Variants in LPAR1 observed in about 807,000 individuals in gnomAD.
LPAR1 encodes lysophosphatidic acid receptor 1, also known as LPA receptor 1.
A neutral mutation model predicts 23.8 loss-of-function variants in LPAR1; 5 were observed. The ratio of observed to expected loss-of-function variants is 0.21; its 90% CI spans 0.11 to 0.44. The LOEUF (loss-of-function observed/expected upper bound fraction) is 0.44, where lower values mean the gene tolerates loss of function less well. Among genes scored for constraint, LPAR1 ranks in the 20% least tolerant of loss-of-function variants. LPAR1 has a pLI of 0.99. For synonymous variants in LPAR1, 160 were observed against 164.7 expected, an observed-to-expected ratio of 0.97 and a Z score of 0.22; for missense variants, 311 against 482.8, an observed-to-expected ratio of 0.64 and a Z score of 3.33.
At chr9:110,928,998 A>C (rs1360687156) in intron 5 of LPAR1, among the ~76,000 whole-genome samples, 1 of 152,270 alleles carries the variant, frequency 6.6e-6, no homozygotes, top group Non-Finnish European at 1.5e-5. Flanking sequence ...GAATGAACTC[A>C]TGGAAAACCC....
intron 5 of LPAR1, among the ~76,000 whole-genome samples, chr9:110,908,378 A>G (rs2091773145): frequency 6.6e-6 from 1 of 150,702 alleles, no homozygotes; most frequent in South Asian, 2.1e-4. Context: ...TATTGTCTAG[A>G]TGTTATTTTA....
At chr9:111,024,604 G>A (rs1322597253) in intron 2 of LPAR1, among the ~76,000 whole-genome samples, 1 of 149,894 alleles carries the variant, frequency 6.7e-6, no homozygotes, top group Admixed American at 6.7e-5. Flanking sequence ...TACATGTGCA[G>A]GTTTGTTACA....
intron 2 of LPAR1, among the ~76,000 whole-genome samples, chr9:111,034,702 T>G (rs1308268147): frequency 6.6e-6 from 1 of 152,140 alleles, no homozygotes; most frequent in African/African-American, 2.4e-5. Flanking sequence ...CCTCCATCCA[T>G]CATCGCACCC....
intron 2 of LPAR1, among the ~76,000 whole-genome samples, chr9:110,987,310 T>C (rs1299573597): frequency 6.6e-6 from 1 of 150,758 alleles, no homozygotes; most frequent in Non-Finnish European, 1.5e-5. Context: ...GTTTATTCTA[T>C]ATAATATATT....
intron 2 of LPAR1, among the ~76,000 whole-genome samples, chr9:111,027,379 C>T (rs1332170712): frequency 6.6e-6 from 1 of 152,048 alleles, no homozygotes; most frequent in Non-Finnish European, 1.5e-5. Flanking sequence ...CATGTGCTCA[C>T]AGTCCCAGCT....
chr9:110,984,286 T>C (rs944530272), intron 2 of LPAR1, among the ~76,000 whole-genome samples: 5 of 152,124 alleles, frequency 3.3e-5, no homozygotes, highest in Admixed American at 6.6e-5. Flanking sequence ...TCTGTCTCCA[T>C]ATGTTCAATT....
intron 2 of LPAR1, among the ~76,000 whole-genome samples, chr9:111,005,440 C>T (rs2097197975): frequency 1.4e-5 from 2 of 146,012 alleles, no homozygotes; most frequent in African/African-American, 5.1e-5. Context: ...CCCAGCTACT[C>T]GGGAGGCTGA....
intron 2 of LPAR1, among the ~76,000 whole-genome samples, chr9:110,978,925 G>A (rs1260498993): frequency 6.6e-6 from 1 of 152,150 alleles, no homozygotes; most frequent in African/African-American, 2.4e-5. Context: ...GTGGTTGTGG[G>A]GAGAGGGAGT....
At chr9:110,986,768 T>C (rs564971398) in intron 2 of LPAR1, among the ~76,000 whole-genome samples, 1 of 152,192 alleles carries the variant, frequency 6.6e-6, no homozygotes, top group East Asian at 1.9e-4. Flanking sequence ...AATAACAGTG[T>C]TCAACAGCAG....
At chr9:111,022,480 TA>T (rs772850662) in intron 2 of LPAR1, among the ~76,000 whole-genome samples, 38 of 152,034 alleles carry the variant, frequency 2.5e-4, no homozygotes, top group Non-Finnish European at 5.0e-4. Flanking sequence ...GAATGAACAC[TA>T]AAATCCTACC....
At chr9:110,953,139 G>A (rs2095623213) in intron 4 of LPAR1, among the ~76,000 whole-genome samples, 1 of 152,130 alleles carries the variant, frequency 6.6e-6, no homozygotes. Flanking sequence ...CTGACACTCA[G>A]AGGGACCTAA....
At chr9:110,948,681 T>A (rs1156657373) in intron 4 of LPAR1, among the ~76,000 whole-genome samples, 1 of 152,188 alleles carries the variant, frequency 6.6e-6, no homozygotes, top group Non-Finnish European at 1.5e-5. Flanking sequence ...ATGTGCTGGA[T>A]AAAGTATAAT....
chr9:110,908,316 TTAA>T (rs1259170472), intron 5 of LPAR1, among the ~76,000 whole-genome samples: 2 of 149,002 alleles, frequency 1.3e-5, no homozygotes, highest in African/African-American at 4.9e-5. Context: ...TATTAACAAA[TTAA>T]TATTAATTAA....
At chr9:110,895,464 G>C (rs547063656) in intron 5 of LPAR1, among the ~76,000 whole-genome samples, 23 of 152,378 alleles carry the variant, frequency 1.5e-4, no homozygotes, top group African/African-American at 5.5e-4. Flanking sequence ...GCCTAAGGCA[G>C]AGGCCAGATC....
At position 110,874,376 on chromosome 9, in the gene LPAR1, G is replaced by GA; in HGVS notation, c.*1044_*1045insT. 1 of 152,526 alleles carries GA rather than the reference G, an allele frequency of 6.6e-6. No individual in the cohort carries two copies. The highest frequency in any genetic ancestry group is 6.6e-5 in the Admixed American group (1 of 15,260). The allele number at this position is 152,526 out of a possible 1,614,324, so 9.4% of individuals were successfully genotyped here. ...ATGAAAAAGATCTACTTATAAAACTGTTTACAGTATGACTCCAATTATGTA... is the reference window on the plus strand; with the variant it reads ...ATGAAAAAGATCTACTTATAAAACTGATTTACAGTATGACTCCAATTATGTA... On this transcript the variant is annotated 3_prime_UTR_variant, in exon 6 of 6. Transcript: ENST00000683809.
chr9:110,958,946 T>C (rs1194572008), intron 4 of LPAR1, among the ~76,000 whole-genome samples: 1 of 148,906 alleles, frequency 6.7e-6, no homozygotes, highest in Non-Finnish European at 1.5e-5. Context: ...AAATGCCCAG[T>C]AGGTATATGA....
intron 4 of LPAR1, among the ~76,000 whole-genome samples, chr9:110,953,454 G>A (rs1453130776): frequency 3.9e-5 from 6 of 151,942 alleles, no homozygotes; most frequent in Admixed American, 6.6e-5. Context: ...ACCTGAGGTC[G>A]GAAGTTCAAG....
At chr9:110,950,463 T>TA (rs56274036) in intron 4 of LPAR1, among the ~76,000 whole-genome samples, 3,178 of 121,954 alleles carry the variant, frequency 0.026, 47 homozygotes, top group Middle Eastern at 0.033. Context: ...AGACTCTGTC[T>TA]AAAAAAAAAA....
chr9:110,917,637 T>C (rs2093288834), intron 5 of LPAR1, among the ~76,000 whole-genome samples: 1 of 152,182 alleles, frequency 6.6e-6, no homozygotes, highest in Non-Finnish European at 1.5e-5. Flanking sequence ...CATCACATCA[T>C]AGCTGATGCA....
Sources: gnomAD v4.1 joint callset for allele counts (sites outside exome capture counted in the v4.1 genomes callset) on GRCh38, gnomAD v4.1.1 for gene constraint, MANE v1.5 for transcripts, NCBI Gene and HGNC (gene_info 2026-07-23, HGNC 2026-07-21) for gene names.